The following SPHKAP variants were observed in gnomAD, a reference collection of about 807,000 sequenced individuals.
SPHKAP encodes SPHK1 interactor, AKAP domain containing.
SPHKAP carries 67 observed loss-of-function variants against 137.5 expected under a neutral mutation model. That is an observed-to-expected ratio of 0.49 (90% CI 0.40 to 0.60). The LOEUF (loss-of-function observed/expected upper bound fraction) is 0.60. Among genes scored for constraint, SPHKAP ranks in the 20% least tolerant of loss-of-function variants. The probability of loss-of-function intolerance (pLI) is 0.00; values close to 1 mark genes in which losing one functional copy is unlikely to be tolerated. For missense variants in SPHKAP, 2,097 were observed against 2,069.3 expected (o/e 1.01, Z -0.26); for synonymous variants, 813 against 785.3 (o/e 1.04, Z -0.59).
intron 3 of SPHKAP, among the ~76,000 whole-genome samples, chr2:228,050,201 G>C (rs746648648): frequency 6.6e-5 from 10 of 152,082 alleles, no homozygotes; most frequent in Non-Finnish European, 1.2e-4. Context: ...CAGATGTCAG[G>C]GCTTGAAGGA....
intron 3 of SPHKAP, among the ~76,000 whole-genome samples, chr2:228,042,499 C>T (rs1695890560): frequency 6.6e-6 from 1 of 152,186 alleles, no homozygotes; most frequent in African/African-American, 2.4e-5. Context: ...CAGTCATTCA[C>T]CATTTCCCCA....
intron 3 of SPHKAP, among the ~76,000 whole-genome samples, chr2:228,059,129 C>T (rs1489799526): frequency 6.6e-6 from 1 of 152,074 alleles, no homozygotes. Flanking sequence ...TTGATTATTC[C>T]CCGTTAGTGC....
intron 3 of SPHKAP, among the ~76,000 whole-genome samples, chr2:228,063,439 A>G (rs181562460): frequency 6.6e-6 from 1 of 152,316 alleles, no homozygotes; most frequent in East Asian, 1.9e-4. Flanking sequence ...TGTTGATGCT[A>G]TGGTTGGTGT....
At chr2:228,154,944 T>A (rs2106405075) in intron 1 of SPHKAP, among the ~76,000 whole-genome samples, 1 of 152,144 alleles carries the variant, frequency 6.6e-6, no homozygotes, top group East Asian at 1.9e-4. Flanking sequence ...AAAAATGGTA[T>A]AGCAACATTC....
chr2:228,152,144 A>C (rs945832136), intron 1 of SPHKAP, among the ~76,000 whole-genome samples: 1 of 152,174 alleles, frequency 6.6e-6, no homozygotes, highest in South Asian at 2.1e-4. Flanking sequence ...TCCACTATGC[A>C]TGGCCAATTT....
At position 228,019,146 on chromosome 2, in the gene SPHKAP, C is replaced by T. The variant is rs147035225; in HGVS notation, c.1708G>A (p.Val570Ile). The change falls in exon 7 of 12, where the codon GTC (valine) becomes ATC (isoleucine). Residue 570 changes from valine to isoleucine, a missense_variant. Val to Ile is a conservative substitution (Grantham distance 29). Coordinates refer to ENST00000392056, the MANE Select transcript of SPHKAP (RefSeq NM_001142644.2). ...TCTTCTCTTTCACCCAGACCACAGACAGCCACGGCACTGGCCACCTGAGTC... is the reference window on the plus strand; with the variant it reads ...TCTTCTCTTTCACCCAGACCACAGATAGCCACGGCACTGGCCACCTGAGTC... ...GMTQVASAVA[V>I]CGLGEREEVT... 1.7e-5 allele frequency: 27 copies of T among 1,613,864 alleles called. No individual in the cohort carries two copies. In the African/African-American group the frequency reaches 2.7e-4, roughly 16 times the overall value.
chr2:228,109,088 A>G (rs549611048), intron 2 of SPHKAP, 149 bp from the exon 3 acceptor site: 1 of 565,182 alleles, frequency 1.8e-6, no homozygotes, highest in Non-Finnish European at 2.9e-6. Context: ...AACTTGCAGG[A>G]TGATAGCACC....
At chr2:228,014,670 A>G (rs562553950) in intron 7 of SPHKAP, among the ~76,000 whole-genome samples, 2 of 152,310 alleles carry the variant, frequency 1.3e-5, no homozygotes, top group East Asian at 3.9e-4. Flanking sequence ...ACCAGTAATG[A>G]TGTCCTCTAA....
rs1699274113 is a variant in SPHKAP at position 228,132,154 on chromosome 2, G to A, written c.33-69C>T. ...ATCTATATTTGGAAATAAATAATAAGTAAATCACAACATGGTGTATCAAAA... is the reference window on the plus strand; with the variant it reads ...ATCTATATTTGGAAATAAATAATAAATAAATCACAACATGGTGTATCAAAA... On this transcript the variant is annotated intron_variant, in intron 1 of 11. Transcript: ENST00000392056. 3 of 1,286,742 alleles carry A rather than the reference G, an allele frequency of 2.3e-6. No homozygotes were observed. The South Asian group carries it at 3.6e-5, about 15-fold the overall frequency. 79.7% of individuals were successfully genotyped at this position (1,286,742 alleles called of 1,614,324 possible).
chr2:228,138,206 T>C (rs1029034469), intron 1 of SPHKAP, among the ~76,000 whole-genome samples: 86 of 152,316 alleles, frequency 5.6e-4, no homozygotes, highest in Non-Finnish European at 8.8e-5. Context: ...TAGGACAGTT[T>C]AGCAAGAATC....
chr2:227,991,866 T>A (rs530637389), intron 9 of SPHKAP: 312 of 291,722 alleles, frequency 1.1e-3, no homozygotes, highest in South Asian at 7.1e-3. Context: ...CTGCAGAACT[T>A]AAATTTGACA....
chr2:228,008,814 T>A (rs1377955381), intron 7 of SPHKAP, among the ~76,000 whole-genome samples: 1 of 152,176 alleles, frequency 6.6e-6, no homozygotes, highest in African/African-American at 2.4e-5. Context: ...TGTCTATTAT[T>A]GGGCTCTCTA....
chr2:228,087,549 A>T (rs1453333917), intron 3 of SPHKAP, among the ~76,000 whole-genome samples: 1 of 152,190 alleles, frequency 6.6e-6, no homozygotes, highest in African/African-American at 2.4e-5. Context: ...AAAGAAAAAA[A>T]GGTAAGTATG....
chr2:228,154,508 C>CTATATATATATATATA (rs1331355468), intron 1 of SPHKAP, among the ~76,000 whole-genome samples: 20 of 34,568 alleles, frequency 5.8e-4, no homozygotes, highest in Non-Finnish European at 7.7e-4. Flanking sequence ...CTCTCTCTCT[C>CTATATATATATATATA]TCTCTATATA....
intron 6 of SPHKAP, among the ~76,000 whole-genome samples, chr2:228,021,238 A>T (rs543908889): frequency 1.2e-4 from 19 of 152,278 alleles, no homozygotes; most frequent in Admixed American, 2.6e-4. Context: ...TATAGGCATG[A>T]TCGTACTCCC....
At chr2:228,010,538 A>C (rs992617343) in intron 7 of SPHKAP, among the ~76,000 whole-genome samples, 5 of 152,168 alleles carry the variant, frequency 3.3e-5, no homozygotes, top group African/African-American at 1.2e-4. Context: ...TCTCAAAAAC[A>C]AAAGAAAACA....
At chr2:228,067,078 T>C (rs1455912864) in intron 3 of SPHKAP, among the ~76,000 whole-genome samples, 2 of 152,210 alleles carry the variant, frequency 1.3e-5, no homozygotes, top group African/African-American at 4.8e-5. Context: ...CAAGAATATA[T>C]GTTGAAAGAC....
chr2:228,155,643 T>C (rs1402264731), intron 1 of SPHKAP, among the ~76,000 whole-genome samples: 1 of 152,194 alleles, frequency 6.6e-6, no homozygotes, highest in African/African-American at 2.4e-5. Context: ...AGCAGGTTTA[T>C]GCTGTTGCCT....
At chr2:228,060,591 G>T (rs765048598) in intron 3 of SPHKAP, among the ~76,000 whole-genome samples, 5 of 152,170 alleles carry the variant, frequency 3.3e-5, no homozygotes, top group African/African-American at 7.2e-5. Context: ...AGCCAAACAA[G>T]GGTGTTTTTC....
Sources: allele counts gnomAD v4.1 joint callset (sites outside exome capture counted in the v4.1 genomes callset), GRCh38; gene constraint gnomAD v4.1.1; transcripts MANE v1.5; gene names NCBI Gene and HGNC (gene_info 2026-07-23, HGNC 2026-07-21).